Variants in TTLL10 observed in about 807,000 individuals in gnomAD.
TTLL10 encodes the protein tubulin tyrosine ligase like 10, also known as inactive polyglycylase TTLL10.
In TTLL10, 61 loss-of-function variants were observed where a neutral mutation model predicts 69.0. That is an observed-to-expected ratio of 0.88 (90% confidence interval 0.72 to 1.09). The LOEUF is 1.09. Among genes scored for constraint, TTLL10 ranks in the 50% least tolerant of loss-of-function variants. TTLL10 has a pLI of 0.00. For missense variants in TTLL10, 962 were observed against 945.9 expected (o/e 1.02, Z -0.22); for synonymous variants, 408 against 393.3 (o/e 1.04, Z -0.44).
At chr1:1,176,601 C>T (rs925941343) in intron 3 of TTLL10, among the ~76,000 whole-genome samples, 7 of 152,200 alleles carry the variant, frequency 4.6e-5, no homozygotes, top group Non-Finnish European at 7.4e-5. Flanking sequence ...CCTCCTGGGC[C>T]GGTTCCAGCC....
intron 3 of TTLL10, chr1:1,176,195 C>G (rs796130167): frequency 2.6e-6 from 1 of 390,028 alleles, no homozygotes; most frequent in Non-Finnish European, 4.8e-6. Flanking sequence ...GCCGCTGTGC[C>G]GGTGGAGAGG....
chr1:1,178,944 G>C (rs906708052), intron 3 of TTLL10, among the ~76,000 whole-genome samples: 2 of 152,322 alleles, frequency 1.3e-5, no homozygotes, highest in South Asian at 2.1e-4. Flanking sequence ...CTGAAGAGCC[G>C]CTCCGGCCAG....
intron 11 of TTLL10, among the ~76,000 whole-genome samples, chr1:1,183,704 G>A (rs1647151464): frequency 6.6e-6 from 1 of 152,218 alleles, no homozygotes; most frequent in South Asian, 2.1e-4. Flanking sequence ...GGCTCCTACT[G>A]CGGTTATGCC....
chr1:1,184,710 C>T (rs1281088379), intron 12 of TTLL10, among the ~76,000 whole-genome samples: 5 of 149,690 alleles, frequency 3.3e-5, no homozygotes, highest in African/African-American at 7.4e-5. Flanking sequence ...ACAGGCCCTC[C>T]GGACAGTCTG....
intron 13 of TTLL10, among the ~76,000 whole-genome samples, chr1:1,188,085 G>A (rs1264156724): frequency 1.3e-5 from 2 of 151,062 alleles, no homozygotes; most frequent in Non-Finnish European, 2.9e-5. Context: ...AGTTATCCCA[G>A]CACCATTTGT....
In TTLL10 at chr1:1,181,876, C is replaced by T. The variant is rs766836310; in HGVS notation, c.830+61C>T. 1.1e-5 allele frequency: 17 copies of T among 1,480,654 alleles called. No homozygotes were observed. The highest frequency in any genetic ancestry group is 2.4e-5 in the South Asian group (2 of 82,516). 91.7% of individuals were successfully genotyped at this position (1,480,654 alleles called of 1,614,324 possible). A position where few individuals can be genotyped will look rare whatever the true frequency, so the allele number is the denominator to read the frequency against. ...CGAAGTTCAGACCTAAACCTGGTGTCGTCTGAAAAGGAGAAAGCGGGGCGG... is the reference window on the plus strand; with the variant it reads ...CGAAGTTCAGACCTAAACCTGGTGTTGTCTGAAAAGGAGAAAGCGGGGCGG... On this transcript the variant is annotated intron_variant, in intron 9 of 15. Transcript: ENST00000379289. The surrounding 1 kb of genome is among the most constrained non-coding windows in gnomAD (Gnocchi z 4.6).
At chr1:1,197,392 C>T (rs1648300764) in intron 15 of TTLL10, 46 bp from the exon 16 acceptor site, 7 of 1,313,382 alleles carry the variant, frequency 5.3e-6, no homozygotes, top group Non-Finnish European at 7.2e-6. Flanking sequence ...CCCCTCCAGC[C>T]CCAGCCTCTG....
At chr1:1,197,226 C>T in intron 15 of TTLL10, 40 bp downstream of exon 15, 1 of 1,520,708 alleles carries the variant, frequency 6.6e-7, no homozygotes. Context: ...CCACAACCTG[C>T]CCAGTCTTGA....
At chr1:1,190,332 TG>T (rs1647675918) in intron 13 of TTLL10, among the ~76,000 whole-genome samples, 1 of 151,994 alleles carries the variant, frequency 6.6e-6, no homozygotes, top group Non-Finnish European at 1.5e-5. Context: ...CTGGTTTCAC[TG>T]ATTTTCTCTA....
intron 3 of TTLL10, 73 bp from the exon 4 acceptor site, chr1:1,179,116 C>A: frequency 9.5e-7 from 1 of 1,052,532 alleles, no homozygotes; most frequent in Non-Finnish European, 1.4e-6. Context: ...TGACTGCCTG[C>A]TCCATCCAAG....
intron 13 of TTLL10, among the ~76,000 whole-genome samples, chr1:1,193,286 T>C (rs1230529009): frequency 6.6e-6 from 1 of 152,076 alleles, no homozygotes; most frequent in Non-Finnish European, 1.5e-5. Context: ...GATTGCGCCA[T>C]TGCACTCCAG....
At chr1:1,197,358 T>TACCC in intron 15 of TTLL10, 80 bp from the exon 16 acceptor site, 1 of 903,794 alleles carries the variant, frequency 1.1e-6, no homozygotes, top group Non-Finnish European at 1.6e-6. Flanking sequence ...CTCACCTGGG[T>TACCC]CCCACCCCTC....
chr1:1,174,971 C>A (rs147831049), intron 3 of TTLL10: 1 of 152,294 alleles, frequency 6.6e-6, no homozygotes, highest in East Asian at 1.9e-4. Context: ...CAAAAATTAG[C>A]CGGGCATGGC....
Position 1,185,265 on chromosome 1 carries a change from C to G in TTLL10, c.1401+156C>G. The G allele has an allele frequency of 1.2e-5, 17 of 1,426,074 alleles. No homozygotes were observed. Among genetic ancestry groups the G allele is most frequent in the Non-Finnish European group, 1.6e-5 (17 of 1,091,422 alleles). 88.3% of individuals were successfully genotyped at this position (1,426,074 alleles called of 1,614,324 possible). On this transcript the variant is annotated intron_variant, in intron 13 of 15. Transcript: ENST00000379289. The surrounding 1 kb of genome is among the most constrained non-coding windows in gnomAD (Gnocchi z 6.1). ...GTGGAACCAAACCCTTCCAGCGTCT[C>G]TGCTCACTTAGCTGGCAGTGCCTGT...
Position 1,180,236 on chromosome 1 carries a change from A to T in TTLL10, c.402A>T (p.Ser134=). The T allele has an allele frequency of 1.2e-6, 2 of 1,607,222 alleles. No individual in the cohort carries two copies. Among genetic ancestry groups the T allele is most frequent in the Admixed American group, 3.4e-5 (2 of 59,454 alleles). The change falls in exon 6 of 16, where the codon TCA becomes TCT. Residue 134 remains serine, a synonymous_variant. Coordinates refer to ENST00000379289, the MANE Select transcript of TTLL10 (RefSeq NM_001130045.2). ...DSDDTNAAGP[S]AALLEGLLLG... is the part of the protein sequence containing the mutation. ...ATGACACTAACGCCGCCGGGCCCTC[A>T]GCTGCCCTCCTGGAGGGGCTCCTGC...
chr1:1,177,168 G>C (rs1218558171), intron 3 of TTLL10, among the ~76,000 whole-genome samples: 1 of 151,770 alleles, frequency 6.6e-6, no homozygotes, highest in Non-Finnish European at 1.5e-5. Context: ...ATAGGTGTGT[G>C]TGTGCATGTC....
rs1647100304 is a variant in TTLL10 at position 1,182,409 on chromosome 1, C to T, written c.879C>T (p.Leu293=). The change falls in exon 10 of 16, where the codon CTC becomes CTT. Residue 293 remains leucine (L), a synonymous_variant. Transcript: ENST00000379289. ...EFFPETYRLD[L]KHEREAFFTL... Reference sequence around the variant, plus strand: ...TCCCAGAGACCTACCGCCTGGACCTCAAACACGAGAGAGAGGCCTTTTTCA... The same window carrying T: ...TCCCAGAGACCTACCGCCTGGACCTTAAACACGAGAGAGAGGCCTTTTTCA... 6.2e-7 allele frequency: 1 copy of T among 1,613,994 alleles called. No individual in the cohort carries two copies. The highest frequency in any genetic ancestry group is 1.3e-5 in the African/African-American group (1 of 75,052).
chr1:1,185,379 G>T lies in TTLL10; in HGVS notation c.1401+270G>T. 1 of 1,312,156 alleles carries T rather than the reference G, an allele frequency of 7.6e-7. No homozygotes were observed. The allele number at this position is 1,312,156 out of a possible 1,614,324, so 81.3% of individuals were successfully genotyped here. On this transcript the variant is annotated intron_variant, in intron 13 of 15. Coordinates refer to ENST00000379289, the MANE Select transcript of TTLL10 (RefSeq NM_001130045.2). This position sits in a 1 kb window ranked among gnomAD's most constrained non-coding sequence, Gnocchi z 6.1. The stretch of plus-strand genomic sequence containing the variant: ...CGGGCAGCCTCGCCGTAGGGTCAGG[G>T]GACAGCTCGGCTTCAGTGACAGCCA...
At position 1,185,418 on chromosome 1, in the gene TTLL10, CTT is replaced by C; in HGVS notation, c.1401+311_1401+312del. The C allele has an allele frequency of 8.3e-7, 1 of 1,207,914 alleles. No homozygotes were observed. Among genetic ancestry groups the C allele is most frequent in the Non-Finnish European group, 1.0e-6 (1 of 969,332 alleles). The allele number at this position is 1,207,914 out of a possible 1,614,324, so 74.8% of individuals were successfully genotyped here. A position where few individuals can be genotyped will look rare whatever the true frequency, so the allele number is the denominator to read the frequency against. ...CAGTGACAGCCACCATGTGAAGAGT[CTT>C]TGTTCCTTTCAGATCCTCCACTTGG... On this transcript the variant is annotated intron_variant, in intron 13 of 15. Coordinates refer to ENST00000379289, the MANE Select transcript of TTLL10 (RefSeq NM_001130045.2). The surrounding 1 kb of genome is among the most constrained non-coding windows in gnomAD (Gnocchi z 6.1).
Sources: allele counts gnomAD v4.1 joint callset (sites outside exome capture counted in the v4.1 genomes callset), GRCh38; gene constraint gnomAD v4.1.1; non-coding constraint Gnocchi (gnomAD v3.1); transcripts MANE v1.5; gene names NCBI Gene and HGNC (gene_info 2026-07-23, HGNC 2026-07-21).